PPP2R5C: variants seen among roughly 807,000 people sequenced by gnomAD.
PPP2R5C encodes the protein serine/threonine-protein phosphatase 2A 56 kDa regulatory subunit gamma isoform.
A neutral mutation model predicts 68.9 loss-of-function variants in PPP2R5C; 7 were observed. The ratio of observed to expected loss-of-function variants is 0.10; its 90% CI spans 0.06 to 0.19. The LOEUF (loss-of-function observed/expected upper bound fraction) is 0.19, where lower values mean the gene tolerates loss of function less well. Among genes scored for constraint, PPP2R5C ranks in the 10% least tolerant of loss-of-function variants. The pLI is 1.00. For synonymous variants in PPP2R5C, 210 were observed against 222.2 expected, an observed-to-expected ratio of 0.95 and a Z score of 0.49; for missense variants, 348 against 641.3, an observed-to-expected ratio of 0.54 and a Z score of 4.94.
chr14:101,761,946 G>T (rs1366887097), intron 1 of PPP2R5C, 26 bp downstream of exon 1: 3 of 1,192,140 alleles, frequency 2.5e-6, no homozygotes, highest in Non-Finnish European at 3.1e-6. Context: ...GCCGCGGGAC[G>T]GAGGGAGCAG....
At chr14:101,865,072 G>A (rs544762615) in intron 2 of PPP2R5C, among the ~76,000 whole-genome samples, 2 of 152,314 alleles carry the variant, frequency 1.3e-5, no homozygotes, top group East Asian at 1.9e-4. Context: ...AGGAACCAAC[G>A]CGCAGGTTTC....
chr14:101,834,230 G>C (rs1160886877), intron 1 of PPP2R5C, among the ~76,000 whole-genome samples: 1 of 152,188 alleles, frequency 6.6e-6, no homozygotes, highest in Non-Finnish European at 1.5e-5. Context: ...TGGTTACTTG[G>C]ACTCCAGACC....
intron 1 of PPP2R5C, among the ~76,000 whole-genome samples, chr14:101,832,066 G>A (rs1304589268): frequency 6.6e-6 from 1 of 152,236 alleles, no homozygotes; most frequent in Non-Finnish European, 1.5e-5. Flanking sequence ...CTGAGAGCAA[G>A]TGGTCTGTAT....
chr14:101,815,198 CCA>C (rs1161005589), intron 1 of PPP2R5C, among the ~76,000 whole-genome samples: 2 of 152,132 alleles, frequency 1.3e-5, no homozygotes, highest in Non-Finnish European at 2.9e-5. Flanking sequence ...TTGCCCAGGG[CCA>C]CAGAGAATGT....
rs61735778 is a variant in PPP2R5C at position 101,894,560 on chromosome 14, A to G, written c.852A>G (p.Pro284=). ...AAAAGGACAGCACCCTCACGGAACC[A>G]GTAAGTACTGATGCTAGCGCGTCTT... The change falls in exon 8 of 14, where the codon CCA becomes CCG. Residue 284 remains proline (P), a splice_region_variant and synonymous_variant. Coordinates refer to ENST00000334743, the Ensembl canonical transcript of PPP2R5C. 28 of 1,613,020 alleles carry G rather than the reference A, an allele frequency of 1.7e-5. No homozygotes were observed. The African/African-American group carries it at 3.7e-4, about 22-fold the overall frequency.
At chr14:101,894,737 A>G (rs1031598957) in intron 8 of PPP2R5C, among the ~76,000 whole-genome samples, 177 bp downstream of exon 10, 1 of 152,232 alleles carries the variant, frequency 6.6e-6, no homozygotes, top group Admixed American at 6.5e-5. Flanking sequence ...AGTCATTTTA[A>G]TTGCAGATTC....
chr14:101,798,172 T>C (rs1323473566), intron 3 of PPP2R5C, among the ~76,000 whole-genome samples: 2 of 151,270 alleles, frequency 1.3e-5, no homozygotes, highest in Non-Finnish European at 2.9e-5. Context: ...AAAAAAGTGC[T>C]GGCCAGCGCA....
chr14:101,849,847 C>G (rs969453300), intron 1 of PPP2R5C, among the ~76,000 whole-genome samples: 1 of 152,178 alleles, frequency 6.6e-6, no homozygotes, highest in Non-Finnish European at 1.5e-5. Context: ...TATGCATGAG[C>G]CTGTGTGACA....
At position 101,811,157 on chromosome 14, in the gene PPP2R5C, A is replaced by G. The variant is rs117287528; in HGVS notation, c.94+1121A>G. 7.5e-4 allele frequency among the ~76,000 whole-genome samples: 114 copies of G among 152,292 alleles called. 2 individuals carry two copies. The East Asian group carries it at 0.019, about 25-fold the overall frequency. On this transcript the variant is annotated intron_variant, in intron 1 of 13. Coordinates refer to ENST00000334743, the Ensembl canonical transcript of PPP2R5C. ...TGGGTGGTGCTTTTCTCTCCAAACTATCTTTCATGAAGGTGGAAATCAGCA... is the reference window on the plus strand; with the variant it reads ...TGGGTGGTGCTTTTCTCTCCAAACTGTCTTTCATGAAGGTGGAAATCAGCA...
chr14:101,799,558 G>A (rs551815807), intron 3 of PPP2R5C, among the ~76,000 whole-genome samples: 14 of 152,280 alleles, frequency 9.2e-5, no homozygotes, highest in Admixed American at 2.6e-4. Flanking sequence ...GGCCCAGTGC[G>A]AGTGACATGG....
chr14:101,896,239 C>T (rs1321355134), intron 8 of PPP2R5C, among the ~76,000 whole-genome samples: 1 of 151,742 alleles, frequency 6.6e-6, no homozygotes, highest in East Asian at 2.0e-4. Context: ...AGGCTGGTCT[C>T]AAACTCCTGA....
At chr14:101,767,254 C>A (rs1471372051) in intron 2 of PPP2R5C, among the ~76,000 whole-genome samples, 2 of 152,206 alleles carry the variant, frequency 1.3e-5, no homozygotes, top group Non-Finnish European at 2.9e-5. Flanking sequence ...GGGAGACTGA[C>A]AGTCGCCTCA....
In PPP2R5C at chr14:101,872,018, C is replaced by T. The variant is rs191619074; in HGVS notation, c.295-10143C>T. Among the ~76,000 whole-genome samples, 525 of 151,788 alleles carry T rather than the reference C, an allele frequency of 3.5e-3. 6 individuals are homozygous for T. The Middle Eastern group carries it at 0.044, about 13-fold the overall frequency. On this transcript the variant is annotated intron_variant, in intron 2 of 13. Transcript: ENST00000334743. The stretch of plus-strand genomic sequence containing the variant: ...CTTTTTTTATTATACTTTAAGTTTT[C>T]GGGTATTAAAAATCTTTTATATTTA...
At chr14:101,858,583 A>G (rs2042572026) in intron 2 of PPP2R5C, among the ~76,000 whole-genome samples, 1 of 152,012 alleles carries the variant, frequency 6.6e-6, no homozygotes, top group African/African-American at 2.4e-5. Flanking sequence ...TTCTAAAATT[A>G]TTGAAAAATT....
rs2046477963 is a variant in PPP2R5C at position 101,913,035 on chromosome 14, C to T, written c.1326+562C>T. On this transcript the variant is annotated intron_variant, in intron 12 of 13. Transcript: ENST00000334743. The surrounding 1 kb of genome is among the most constrained non-coding windows in gnomAD (Gnocchi z 4.1). ...TGGTGAGTCTGCGCCGATGGCCGGA[C>T]GTCCCGGAGCTGCCGGCAGTTCCAG... is the stretch of plus-strand genomic sequence containing the variant. Among the ~76,000 whole-genome samples the T allele has an allele frequency of 6.6e-6, 1 of 152,188 alleles. No individual in the cohort carries two copies. The highest frequency in any genetic ancestry group is 2.4e-5 in the African/African-American group (1 of 41,438).
chr14:101,798,295 C>A (rs117602047), intron 3 of PPP2R5C, among the ~76,000 whole-genome samples: 4 of 152,076 alleles, frequency 2.6e-5, no homozygotes, highest in Non-Finnish European at 4.4e-5. Context: ...AATTTGCCTA[C>A]AAAATTGCTT....
At chr14:101,890,197 G>A in intron 5 of PPP2R5C, 40 bp from the exon 8 acceptor site, 2 of 1,551,764 alleles carry the variant, frequency 1.3e-6, no homozygotes, top group Non-Finnish European at 1.8e-6. Flanking sequence ...ATTCAGGTTA[G>A]TTCAGTGTCT....
At chr14:101,796,852 G>C in intron 3 of PPP2R5C, 1 of 261,844 alleles carries the variant, frequency 3.8e-6, no homozygotes, top group South Asian at 3.8e-5. Flanking sequence ...TGCTGCCTCT[G>C]CTCCTCAAGT....
intron 2 of PPP2R5C, among the ~76,000 whole-genome samples, chr14:101,869,895 C>T (rs1448143323): frequency 6.6e-6 from 1 of 152,050 alleles, no homozygotes; most frequent in Non-Finnish European, 1.5e-5. Context: ...CAAGTGATCC[C>T]CCTGCCTCAG....
Sources: gnomAD v4.1 joint callset for allele counts (sites outside exome capture counted in the v4.1 genomes callset) on GRCh38, gnomAD v4.1.1 for gene constraint, Gnocchi (gnomAD v3.1) non-coding constraint, MANE v1.5 for transcripts, NCBI Gene and HGNC (gene_info 2026-07-23, HGNC 2026-07-21) for gene names.